The following PJA2 variants were observed in gnomAD, a reference collection of about 807,000 sequenced individuals.
PJA2 encodes the protein E3 ubiquitin-protein ligase Praja-2.
A neutral mutation model predicts 69.3 loss-of-function variants in PJA2; 25 were observed. The ratio of observed to expected loss-of-function variants is 0.36; its 90% confidence interval spans 0.26 to 0.50. The LOEUF is 0.50. Among genes scored for constraint, PJA2 ranks in the 20% least tolerant of loss-of-function variants. PJA2 has a pLI of 0.96. For missense variants in PJA2, 809 were observed against 830.2 expected (o/e 0.97, Z 0.31); for synonymous variants, 308 against 277.8 (o/e 1.11, Z -1.08).
At chr5:109,372,624 G>A (rs1406936365) in intron 4 of PJA2, among the ~76,000 whole-genome samples, 1 of 152,058 alleles carries the variant, frequency 6.6e-6, no homozygotes, top group Non-Finnish European at 1.5e-5. Context: ...AAGAATATAG[G>A]GCCGGGTGCA....
chr5:109,406,470 T>C (rs1747695689), intron 1 of PJA2, among the ~76,000 whole-genome samples: 1 of 152,212 alleles, frequency 6.6e-6, no homozygotes, highest in Admixed American at 6.5e-5. Context: ...AATCCCAGTA[T>C]GATACTACTA....
intron 9 of PJA2, among the ~76,000 whole-genome samples, chr5:109,337,938 T>C (rs989505984): frequency 2.0e-5 from 3 of 152,110 alleles, no homozygotes; most frequent in African/African-American, 7.2e-5. Flanking sequence ...ATGACATTTC[T>C]TTCCAAAAAG....
intron 1 of PJA2, among the ~76,000 whole-genome samples, chr5:109,395,422 C>T (rs768668008): frequency 4.7e-4 from 71 of 151,824 alleles, no homozygotes; most frequent in Non-Finnish European, 7.5e-4. Flanking sequence ...CAGCTACATG[C>T]GAGGCTGAGG....
chr5:109,338,691 T>C (rs1054518763), intron 9 of PJA2, among the ~76,000 whole-genome samples: 1 of 151,786 alleles, frequency 6.6e-6, no homozygotes, highest in Non-Finnish European at 1.5e-5. Context: ...TATTGTGTAC[T>C]TGCCATACAG....
intron 6 of PJA2, among the ~76,000 whole-genome samples, chr5:109,360,378 A>G (rs1414151278): frequency 6.6e-6 from 1 of 152,158 alleles, no homozygotes; most frequent in Non-Finnish European, 1.5e-5. Context: ...CAAGTAAACA[A>G]ACTTGATAGA....
intron 7 of PJA2, among the ~76,000 whole-genome samples, chr5:109,346,968 T>G (rs1165467950): frequency 6.6e-6 from 1 of 152,198 alleles, no homozygotes; most frequent in Non-Finnish European, 1.5e-5. Context: ...AAACATAATA[T>G]TTATACATGC....
chr5:109,402,627 A>G (rs1225672797), intron 1 of PJA2, among the ~76,000 whole-genome samples: 2 of 152,210 alleles, frequency 1.3e-5, no homozygotes. Flanking sequence ...ACAAAAACTC[A>G]GTAAGGAAAG....
intron 1 of PJA2, among the ~76,000 whole-genome samples, chr5:109,398,621 C>T: frequency 9.7e-6 from 1 of 102,626 alleles, no homozygotes; most frequent in African/African-American, 4.1e-5. Context: ...ATCACCGGGG[C>T]CTGTTGTGGG....
chr5:109,384,644 G>A lies in PJA2; in HGVS notation c.-87-1124C>T, dbSNP rs556925998. Among the ~76,000 whole-genome samples the A allele has an allele frequency of 1.5e-4, 23 of 152,114 alleles. 1 individual carries two copies. The South Asian group carries it at 3.1e-3, about 21-fold the overall frequency. On this transcript the variant is annotated intron_variant, in intron 1 of 9. Transcript: ENST00000361189. ...CACAGACAGATATATATTAACATAC[G>A]TAAGAGTACAAACCCACATTCACCC...
intron 4 of PJA2, 56 bp downstream of exon 4, chr5:109,378,148 G>T (rs1178103352): frequency 1.2e-5 from 16 of 1,308,094 alleles, no homozygotes; most frequent in African/African-American, 5.9e-5. Flanking sequence ...CATGGTTCTA[G>T]AAAGAAACCA....
At chr5:109,409,289 G>A (rs1342539492) in intron 1 of PJA2, 2 of 152,272 alleles carry the variant, frequency 1.3e-5, no homozygotes, top group East Asian at 3.9e-4. Flanking sequence ...TCTGCGTGCC[G>A]AGCCTCACTG....
intron 7 of PJA2, 65 bp downstream of exon 7, chr5:109,355,850 C>A (rs1463676586): frequency 3.6e-6 from 4 of 1,124,562 alleles, no homozygotes; most frequent in African/African-American, 1.6e-5. Flanking sequence ...TCTAAAAATC[C>A]CTTTAAACCT....
At chr5:109,401,260 G>A (rs939653706) in intron 1 of PJA2, among the ~76,000 whole-genome samples, 2 of 152,086 alleles carry the variant, frequency 1.3e-5, no homozygotes, top group African/African-American at 4.8e-5. Context: ...CTCCAACCTG[G>A]GCGACAGAGT....
In PJA2 at chr5:109,336,405, T is replaced by C. The variant is rs1489648841; in HGVS notation, c.*826A>G. 6.6e-6 allele frequency: 1 copy of C among 152,146 alleles called. No individual in the cohort carries two copies. Among genetic ancestry groups the C allele is most frequent in the Non-Finnish European group, 1.5e-5 (1 of 68,020 alleles). The allele number at this position is 152,146 out of a possible 1,614,324, so 9.4% of individuals were successfully genotyped here. ...ACCTTAAACTAACTATAAGCAATATTAAACAAATGTGCCATGAGTGTTCTG... is the reference window on the plus strand; with the variant it reads ...ACCTTAAACTAACTATAAGCAATATCAAACAAATGTGCCATGAGTGTTCTG... On this transcript the variant is annotated 3_prime_UTR_variant, in exon 10 of 10. Coordinates refer to ENST00000361189, the MANE Select transcript of PJA2 (RefSeq NM_014819.5).
intron 1 of PJA2, among the ~76,000 whole-genome samples, chr5:109,397,819 C>T (rs1479850804): frequency 1.3e-5 from 2 of 152,076 alleles, no homozygotes; most frequent in Non-Finnish European, 2.9e-5. Flanking sequence ...CCACGGTGAA[C>T]GGCCAACAAC....
intron 1 of PJA2, among the ~76,000 whole-genome samples, chr5:109,408,885 A>G (rs1340268308): frequency 6.6e-6 from 1 of 152,278 alleles, no homozygotes; most frequent in East Asian, 1.9e-4. Flanking sequence ...GGTGACTGCC[A>G]TTTTAAAGAA....
intron 6 of PJA2, among the ~76,000 whole-genome samples, chr5:109,362,456 A>G (rs553795185): frequency 1.3e-5 from 2 of 152,174 alleles, no homozygotes; most frequent in Admixed American, 6.5e-5. Flanking sequence ...AACTATTCTT[A>G]TTGTTTTCTG....
chr5:109,353,746 TAGATATCTATGATATCTAG>T (rs1762329325), intron 7 of PJA2, among the ~76,000 whole-genome samples: 1 of 138,100 alleles, frequency 7.2e-6, no homozygotes, highest in East Asian at 2.1e-4. Context: ...ATATCTAGAT[TAGATATCTATGATATCTAG>T]AGATATCTAT....
intron 1 of PJA2, among the ~76,000 whole-genome samples, chr5:109,392,772 G>A (rs148670768): frequency 2.6e-5 from 4 of 152,162 alleles, no homozygotes; most frequent in East Asian, 1.9e-4. Context: ...GACAAGATAC[G>A]TTTTTTCACT....
Sources: gnomAD v4.1 joint callset for allele counts (sites outside exome capture counted in the v4.1 genomes callset) on GRCh38, gnomAD v4.1.1 for gene constraint, MANE v1.5 for transcripts, NCBI Gene and HGNC (gene_info 2026-07-23, HGNC 2026-07-21) for gene names.